Variants in INTS8 observed in about 807,000 individuals in gnomAD.
The protein encoded by INTS8 is protein kaonashi-1.
INTS8 carries 47 observed loss-of-function variants against 138.9 expected under a neutral mutation model. The observed-to-expected ratio is 0.34, with a 90% CI of 0.27 to 0.43. The LOEUF is 0.43. INTS8 is among the 20% of genes least tolerant of loss of function. INTS8 has a pLI of 1.00. For missense variants in INTS8, 996 were observed against 1,173.0 expected, an observed-to-expected ratio of 0.85 and a Z score of 2.20; for synonymous variants, 392 against 400.9, an observed-to-expected ratio of 0.98 and a Z score of 0.27.
chr8:94,844,339 A>G (rs1365540121), intron 10 of INTS8, among the ~76,000 whole-genome samples: 1 of 151,594 alleles, frequency 6.6e-6, no homozygotes, highest in Non-Finnish European at 1.5e-5. Flanking sequence ...GTGCCTGGCC[A>G]GAGTTCTGCT....
intron 6 of INTS8, 137 bp from the exon 7 acceptor site, chr8:94,836,387 G>T: frequency 1.6e-6 from 1 of 613,810 alleles, no homozygotes; most frequent in South Asian, 2.2e-5. Context: ...AACACTGGTG[G>T]TAGCACCTCT....
At chr8:94,831,455 C>CT (rs1026334627) in intron 5 of INTS8, among the ~76,000 whole-genome samples, 4 of 144,734 alleles carry the variant, frequency 2.8e-5, no homozygotes, top group African/African-American at 1.0e-4. Context: ...AGATACCAGT[C>CT]TTTCCTGTTT....
At chr8:94,876,584 T>C (rs980611499) in intron 26 of INTS8, 95 bp downstream of exon 26, 3 of 694,132 alleles carry the variant, frequency 4.3e-6, no homozygotes, top group African/African-American at 3.7e-5. Flanking sequence ...TTTGTGTACC[T>C]AGTTACTGCC....
At chr8:94,862,102 G>A (rs899476070) in intron 16 of INTS8, among the ~76,000 whole-genome samples, 1 of 151,648 alleles carries the variant, frequency 6.6e-6, no homozygotes, top group Non-Finnish European at 1.5e-5. Flanking sequence ...CACCACACCC[G>A]GGTAGTTTTT....
intron 14 of INTS8, among the ~76,000 whole-genome samples, chr8:94,856,532 A>C (rs1387564343): frequency 6.6e-6 from 1 of 152,188 alleles, no homozygotes; most frequent in Non-Finnish European, 1.5e-5. Context: ...ACTTTTATAA[A>C]AGTTGCATAA....
At chr8:94,858,201 A>G (rs1231906326) in intron 15 of INTS8, among the ~76,000 whole-genome samples, 7 of 152,246 alleles carry the variant, frequency 4.6e-5, no homozygotes, top group Admixed American at 6.5e-5. Context: ...ATTTAATAGT[A>G]TAAACAGTGG....
intron 16 of INTS8, among the ~76,000 whole-genome samples, chr8:94,863,849 A>G (rs1816081820): frequency 6.6e-6 from 1 of 152,186 alleles, no homozygotes; most frequent in African/African-American, 2.4e-5. Flanking sequence ...TTGTCAGAGA[A>G]GAGTATTTTA....
chr8:94,829,042 A>C lies in INTS8; in HGVS notation c.570+16A>C. ...TTTGAAAGTGGTAAGTATTGGCATC[A>C]GTTACACAGTAACACTTCAGGAACA... On this transcript the variant is annotated intron_variant, in intron 5 of 26. Transcript: ENST00000523731. The C allele has an allele frequency of 6.4e-7, 1 of 1,574,146 alleles. No individual in the cohort carries two copies. Among genetic ancestry groups the C allele is most frequent in the Non-Finnish European group, 8.7e-7 (1 of 1,149,678 alleles).
intron 7 of INTS8, among the ~76,000 whole-genome samples, chr8:94,837,729 A>G (rs542535345): frequency 9.2e-5 from 14 of 152,260 alleles, no homozygotes; most frequent in Admixed American, 6.5e-4. Flanking sequence ...TGTCATACAT[A>G]CTTGGTATGA....
chr8:94,823,643 C>A, intron 1 of INTS8, 82 bp downstream of exon 1: 1 of 1,199,730 alleles, frequency 8.3e-7, no homozygotes, highest in Non-Finnish European at 1.1e-6. Flanking sequence ...CCCGCCTTCT[C>A]GGTCACCGAA....
chr8:94,866,951 G>T, intron 18 of INTS8, 189 bp from the exon 19 acceptor site: 1 of 548,324 alleles, frequency 1.8e-6, no homozygotes, highest in Non-Finnish European at 3.3e-6. Flanking sequence ...ATGTGCTATG[G>T]TCCACGCCCC....
intron 16 of INTS8, among the ~76,000 whole-genome samples, chr8:94,862,014 C>T: frequency 6.6e-6 from 1 of 152,064 alleles, no homozygotes; most frequent in East Asian, 1.9e-4. Flanking sequence ...AATCTCGGCT[C>T]ATTGCAACCT....
intron 12 of INTS8, 78 bp from the exon 13 acceptor site, chr8:94,851,475 A>G: frequency 9.8e-7 from 1 of 1,020,208 alleles, no homozygotes; most frequent in Middle Eastern, 3.2e-4. Context: ...ATATAATACA[A>G]AATACATAAT....
intron 26 of INTS8, among the ~76,000 whole-genome samples, chr8:94,877,782 T>C (rs1406577063): frequency 6.6e-5 from 10 of 152,314 alleles, no homozygotes; most frequent in African/African-American, 2.2e-4. Context: ...TGCAACCCAC[T>C]CTCTGCCCAT....
At chr8:94,840,488 A>G (rs1225610336) in intron 8 of INTS8, among the ~76,000 whole-genome samples, 1 of 152,090 alleles carries the variant, frequency 6.6e-6, no homozygotes, top group Non-Finnish European at 1.5e-5. Flanking sequence ...TTCACAGATA[A>G]TATATTTTAA....
intron 12 of INTS8, among the ~76,000 whole-genome samples, chr8:94,850,590 T>A (rs1815501673): frequency 7.8e-6 from 1 of 128,062 alleles, no homozygotes; most frequent in Admixed American, 1.0e-4. Context: ...CCAGCCTGGG[T>A]GACAGAGCGA....
Position 94,871,941 on chromosome 8 carries a change from T to C in INTS8, c.2472T>C (p.Tyr824=), listed in dbSNP as rs1278960454. 2.5e-6 allele frequency: 4 copies of C among 1,610,064 alleles called. No homozygotes were observed. Among genetic ancestry groups the C allele is most frequent in the African/African-American group, 1.3e-5 (1 of 74,988 alleles). The change falls in exon 21 of 27, where the codon TAT becomes TAC. Residue 824 remains tyrosine, a synonymous_variant. Transcript: ENST00000523731. ...VAITVKELVR[Y]TLSINPNNHS... is the part of the protein sequence containing the mutation. ...TCACAGTGAAAGAGCTAGTTCGATA[T>C]ACACTCAGTATAAATCCAAATAACC...
At chr8:94,855,249 A>T (rs548319354) in intron 14 of INTS8, among the ~76,000 whole-genome samples, 67 of 152,358 alleles carry the variant, frequency 4.4e-4, no homozygotes, top group African/African-American at 1.5e-3. Flanking sequence ...TTCATAAAAA[A>T]GTTTAGTTGA....
At chr8:94,859,730 A>G in intron 16 of INTS8, 98 bp downstream of exon 16, 1 of 948,278 alleles carries the variant, frequency 1.1e-6, no homozygotes, top group South Asian at 1.5e-5. Flanking sequence ...TTTCTGTGAT[A>G]CAAATGATTG....
Sources: allele counts gnomAD v4.1 joint callset (sites outside exome capture counted in the v4.1 genomes callset), GRCh38; gene constraint gnomAD v4.1.1; transcripts MANE v1.5; gene names NCBI Gene and HGNC (gene_info 2026-07-23, HGNC 2026-07-21).